SIAE: variants seen among roughly 807,000 people sequenced by gnomAD.
The protein encoded by SIAE is sialate O-acetylesterase.
In SIAE, 39 loss-of-function variants were observed where a neutral mutation model predicts 52.6. The ratio of observed to expected loss-of-function variants is 0.74; its 90% CI spans 0.57 to 0.97. SIAE has a LOEUF of 0.97. Ranked by LOEUF, SIAE falls within the 50% of genes least tolerant of loss-of-function variation. The pLI, the probability that SIAE is intolerant of heterozygous loss-of-function variation, is 0.00. For synonymous variants in SIAE, 233 were observed against 241.4 expected, an observed-to-expected ratio of 0.97 and a Z score of 0.32; for missense variants, 592 against 662.1, an observed-to-expected ratio of 0.89 and a Z score of 1.16.
At chr11:124,668,115 A>G (rs914704110) in intron 2 of SIAE, among the ~76,000 whole-genome samples, 1 of 152,078 alleles carries the variant, frequency 6.6e-6, no homozygotes, top group African/African-American at 2.4e-5. Flanking sequence ...TGTCTTTCCA[A>G]CCTATCTCCT....
At chr11:124,673,863 G>A, upstream of SIAE, 1 of 690,368 alleles carries the variant, frequency 1.4e-6, no homozygotes, top group Non-Finnish European at 2.2e-6. Context: ...CTCGGCCGCC[G>A]TAGTTTTTTT....
At chr11:124,649,590 CT>C (rs1942987648) in intron 5 of SIAE, 28 bp downstream of exon 5, 6 of 1,612,932 alleles carry the variant, frequency 3.7e-6, no homozygotes, top group Non-Finnish European at 5.1e-6. Flanking sequence ...CTGGTAGGCT[CT>C]TTCTCAGACT....
intron 3 of SIAE, 25 bp downstream of exon 3, chr11:124,660,603 T>C: frequency 6.2e-7 from 1 of 1,612,372 alleles, no homozygotes; most frequent in Non-Finnish European, 8.5e-7. Context: ...ACACTGTGTA[T>C]TATTGCTGAG....
intron 3 of SIAE, 51 bp downstream of exon 3, chr11:124,660,577 T>C: frequency 6.2e-7 from 1 of 1,600,028 alleles, no homozygotes; most frequent in East Asian, 2.2e-5. Flanking sequence ...CTCCTTCTTT[T>C]CCTTCTTCAT....
chr11:124,658,143 T>G (rs1943128760), intron 3 of SIAE, among the ~76,000 whole-genome samples: 1 of 152,090 alleles, frequency 6.6e-6, no homozygotes, highest in East Asian at 1.9e-4. Context: ...ACCACATTCT[T>G]GAATTAATGA....
chr11:124,667,991 C>T (rs1943296683), intron 2 of SIAE, among the ~76,000 whole-genome samples: 1 of 152,172 alleles, frequency 6.6e-6, no homozygotes, highest in Non-Finnish European at 1.5e-5. Context: ...ATCCATCTTC[C>T]ACAGTGCTGC....
In SIAE at chr11:124,635,663, A is replaced by C. The variant is rs1040244068; in HGVS notation, c.*1288T>G. 5 of 152,246 alleles carry C rather than the reference A, an allele frequency of 3.3e-5. No homozygotes were observed. Among genetic ancestry groups the C allele is most frequent in the Non-Finnish European group, 7.3e-5 (5 of 68,046 alleles). 9.4% of individuals were successfully genotyped at this position (152,246 alleles called of 1,614,324 possible). A position where few individuals can be genotyped will look rare whatever the true frequency, so the allele number is the denominator to read the frequency against. On this transcript the variant is annotated 3_prime_UTR_variant, in exon 10 of 10. Transcript: ENST00000263593. ...TACGTAAAATACATTGTATATGTAC[A>C]GTGAGTGATGCTTTTTGCTTTAGTT...
intron 7 of SIAE, among the ~76,000 whole-genome samples, chr11:124,640,216 T>C (rs776274771): frequency 1.3e-5 from 2 of 152,228 alleles, no homozygotes; most frequent in African/African-American, 2.4e-5. Flanking sequence ...TCTGAATTCA[T>C]TCTCTTGAAA....
intron 7 of SIAE, among the ~76,000 whole-genome samples, chr11:124,644,729 C>G (rs1942906660): frequency 6.6e-6 from 1 of 152,150 alleles, no homozygotes; most frequent in Non-Finnish European, 1.5e-5. Context: ...TTAAAAACCA[C>G]ACTCCTTGGG....
intron 1 of SIAE, among the ~76,000 whole-genome samples, chr11:124,672,077 A>G (rs1943369154): frequency 1.3e-5 from 2 of 149,440 alleles, no homozygotes; most frequent in African/African-American, 2.5e-5. Flanking sequence ...CGCCTGGCCA[A>G]TTTTTTTGTA....
chr11:124,649,885 T>C (rs909611273), intron 4 of SIAE, 89 bp from the exon 5 acceptor site: 20 of 1,209,272 alleles, frequency 1.7e-5, no homozygotes, highest in Middle Eastern at 1.9e-4. Flanking sequence ...GTGAGAAGGG[T>C]GGGCAGAGGT....
intron 3 of SIAE, among the ~76,000 whole-genome samples, chr11:124,658,264 A>AC (rs1008649302): frequency 1.4e-5 from 2 of 145,322 alleles, no homozygotes; most frequent in African/African-American, 5.7e-5. Flanking sequence ...ACACACACAG[A>AC]AGGACAGAAA....
chr11:124,660,168 T>G, intron 3 of SIAE: 1 of 226,700 alleles, frequency 4.4e-6, no homozygotes, highest in Non-Finnish European at 8.8e-6. Context: ...CAGATGCCTG[T>G]AATCCCAGCT....
At chr11:124,650,247 C>A (rs951264119) in intron 4 of SIAE, among the ~76,000 whole-genome samples, 2 of 152,282 alleles carry the variant, frequency 1.3e-5, no homozygotes, top group Non-Finnish European at 2.9e-5. Context: ...CTTCCCCATG[C>A]TTCCCATCAC....
In SIAE at chr11:124,659,925, ATTGAG is replaced by A. The variant is rs541115152; in HGVS notation, c.405+698_405+702del. ...TCATAAATTTTTCAAAAAGAGATGA[ATTGAG>A]TTAACGGTCTAGTTCTATACAGGTT... On this transcript the variant is annotated intron_variant, in intron 3 of 9. Transcript: ENST00000263593. The A allele has an allele frequency of 2.6e-3, 401 of 152,554 alleles. 3 individuals carry two copies. The highest frequency in any genetic ancestry group is 3.3e-3 in the Non-Finnish European group (228 of 68,212). 9.5% of individuals were successfully genotyped at this position (152,554 alleles called of 1,614,324 possible).
At chr11:124,672,119 G>A (rs1416138260) in intron 1 of SIAE, among the ~76,000 whole-genome samples, 1 of 151,950 alleles carries the variant, frequency 6.6e-6, no homozygotes, top group Non-Finnish European at 1.5e-5. Flanking sequence ...CGCCATGTTG[G>A]CCAGGCTGGT....
rs768556385 is a variant in SIAE, at chr11:124,638,753, C to CA, written c.1125-17dup. 6.2e-7 allele frequency: 1 copy of CA among 1,611,462 alleles called. No individual in the cohort carries two copies. The highest frequency in any genetic ancestry group is 1.1e-5 in the South Asian group (1 of 90,968). Reference sequence around the variant, plus strand: ...AGGGTGGATGCTACAGGATAAGGAACAAGTAGAGAACTTTGGGTTTAAGCT... The same window carrying CA: ...AGGGTGGATGCTACAGGATAAGGAACAAAGTAGAGAACTTTGGGTTTAAGCT... On this transcript the variant is annotated splice_polypyrimidine_tract_variant and intron_variant, in intron 8 of 9. Transcript: ENST00000263593.
At chr11:124,641,473 TAAAC>T (rs965412952) in intron 7 of SIAE, among the ~76,000 whole-genome samples, 8 of 152,166 alleles carry the variant, frequency 5.3e-5, no homozygotes, top group East Asian at 1.9e-4. Flanking sequence ...TCTTTTGTAT[TAAAC>T]AATAAAGAAC....
rs545575338 is a variant in SIAE at position 124,655,189 on chromosome 11, T to G, written c.406-396A>C. ...TTAACTTCTTCTTTTTTTTTTTTTT[T>G]TGTGTGTGAGACAGTCTTGCTCTCT... On this transcript the variant is annotated intron_variant, in intron 3 of 9. Transcript: ENST00000263593. Among the ~76,000 whole-genome samples the G allele has an allele frequency of 1.8e-3, 275 of 150,452 alleles. 1 individual carries two copies. The highest frequency in any genetic ancestry group is 3.4e-3 in the Middle Eastern group (1 of 292).
Sources: allele counts gnomAD v4.1 joint callset (sites outside exome capture counted in the v4.1 genomes callset), GRCh38; gene constraint gnomAD v4.1.1; transcripts MANE v1.5; gene names NCBI Gene and HGNC (gene_info 2026-07-23, HGNC 2026-07-21).